The following GKAP1 variants were observed in gnomAD, a reference collection of about 807,000 sequenced individuals.
GKAP1 encodes G kinase anchoring protein 1, also known as G kinase-anchoring protein 1.
A neutral mutation model predicts 56.7 loss-of-function variants in GKAP1; 31 were observed. The observed-to-expected ratio is 0.55, with a 90% CI of 0.41 to 0.74. The LOEUF is 0.74. Ranked by LOEUF, GKAP1 falls within the 30% of genes least tolerant of loss-of-function variation. The pLI, the probability that GKAP1 is intolerant of heterozygous loss-of-function variation, is 0.00. For missense variants in GKAP1, 364 were observed against 402.3 expected, an observed-to-expected ratio of 0.90 and a Z score of 0.82; for synonymous variants, 151 against 138.6, an observed-to-expected ratio of 1.09 and a Z score of -0.63.
intron 2 of GKAP1, among the ~76,000 whole-genome samples, chr9:83,807,136 C>G (rs1227378772): frequency 6.6e-6 from 1 of 152,158 alleles, no homozygotes; most frequent in Non-Finnish European, 1.5e-5. Context: ...ATGTTTAGTT[C>G]ACTAGTTTCC....
Position 83,813,518 on chromosome 9 carries a change from G to A in GKAP1, c.-44+3478C>T, listed in dbSNP as rs550729109. Among the ~76,000 whole-genome samples, 3 of 152,320 alleles carry A rather than the reference G, an allele frequency of 2.0e-5. No individual in the cohort carries two copies. In the South Asian group the frequency reaches 6.2e-4, roughly 32 times the overall value. ...CACCTGTAATTTCAGCAACTTGGGA[G>A]ACTGAAGCAGGAGATCACTTAAGTC... On this transcript the variant is annotated intron_variant, in intron 2 of 12. Transcript: ENST00000376371.
intron 3 of GKAP1, among the ~76,000 whole-genome samples, chr9:83,802,620 G>C (rs569267826): frequency 6.7e-4 from 102 of 152,130 alleles, no homozygotes; most frequent in Non-Finnish European, 1.0e-3. Flanking sequence ...CTTGAGGCCA[G>C]GAGTTTGAGA....
At chr9:83,790,020 C>T (rs1944128065) in intron 4 of GKAP1, among the ~76,000 whole-genome samples, 1 of 152,134 alleles carries the variant, frequency 6.6e-6, no homozygotes, top group African/African-American at 2.4e-5. Flanking sequence ...AAGAAGTGAT[C>T]TGTTTCAAGG....
At chr9:83,755,137 A>G (rs1943452663) in intron 8 of GKAP1, among the ~76,000 whole-genome samples, 1 of 152,176 alleles carries the variant, frequency 6.6e-6, no homozygotes, top group African/African-American at 2.4e-5. Flanking sequence ...CTGGAATCTC[A>G]CTTCTAGGAA....
intron 4 of GKAP1, among the ~76,000 whole-genome samples, chr9:83,790,637 AAAACAAAAAAAC>A (rs1944140343): frequency 7.6e-6 from 1 of 132,012 alleles, no homozygotes; most frequent in Admixed American, 9.0e-5. Flanking sequence ...AAAACAAAAC[AAAACAAAAAAAC>A]AAACAAACAA....
rs749646350 is a variant in GKAP1 at position 83,742,619 on chromosome 9, C to T, written c.905-19G>A. 15 of 1,579,276 alleles carry T rather than the reference C, an allele frequency of 9.5e-6. No individual in the cohort carries two copies. In the Admixed American group the frequency reaches 2.5e-4, roughly 27 times the overall value. The stretch of plus-strand genomic sequence containing the variant: ...TCTTTCACTGACAAAAAAGGAAAAA[C>T]AGCAGTATAGATTTTCCAGTCACCC... On this transcript the variant is annotated intron_variant, in intron 10 of 12. Transcript: ENST00000376371.
At chr9:83,802,429 C>T (rs1944345914) in intron 3 of GKAP1, among the ~76,000 whole-genome samples, 1 of 146,844 alleles carries the variant, frequency 6.8e-6, no homozygotes, top group Non-Finnish European at 1.5e-5. Flanking sequence ...TTGCAGTGAG[C>T]TGAGATCACG....
intron 4 of GKAP1, 133 bp from the exon 5 acceptor site, chr9:83,788,811 T>C (rs778697131): frequency 1.8e-5 from 9 of 501,418 alleles, no homozygotes; most frequent in South Asian, 3.7e-5. Flanking sequence ...TCCAAAGTTA[T>C]CTAACCATGC....
chr9:83,754,943 G>A (rs1324353647), intron 8 of GKAP1, among the ~76,000 whole-genome samples: 2 of 152,192 alleles, frequency 1.3e-5, no homozygotes, highest in Non-Finnish European at 2.9e-5. Context: ...ATAAGATTAT[G>A]CTTTGGATTA....
At chr9:83,778,952 A>G (rs545093253) in intron 7 of GKAP1, among the ~76,000 whole-genome samples, 2 of 152,242 alleles carry the variant, frequency 1.3e-5, no homozygotes, top group South Asian at 4.1e-4. Context: ...TCTTTAATAT[A>G]TTAAATAGGT....
chr9:83,771,457 C>T (rs1054379048), intron 7 of GKAP1, among the ~76,000 whole-genome samples: 1 of 152,152 alleles, frequency 6.6e-6, no homozygotes, highest in Non-Finnish European at 1.5e-5. Flanking sequence ...ATTATTCATA[C>T]TTTTCACTTC....
chr9:83,758,515 T>C (rs1367390417), intron 8 of GKAP1, among the ~76,000 whole-genome samples: 2 of 152,124 alleles, frequency 1.3e-5, no homozygotes, highest in Admixed American at 6.5e-5. Context: ...GGCAGATCAC[T>C]TGAGGTCAGG....
intron 3 of GKAP1, among the ~76,000 whole-genome samples, chr9:83,805,719 A>AT (rs1305959472): frequency 1.3e-5 from 2 of 152,208 alleles, no homozygotes; most frequent in Non-Finnish European, 2.9e-5. Flanking sequence ...TTAATTGGTT[A>AT]TATCTCTGGT....
chr9:83,791,256 A>G (rs2131302137), intron 4 of GKAP1, among the ~76,000 whole-genome samples: 1 of 152,170 alleles, frequency 6.6e-6, no homozygotes, highest in African/African-American at 2.4e-5. Flanking sequence ...CAAAAAAATT[A>G]GCCGGACGTG....
rs1430671700 is a variant in GKAP1, at chr9:83,779,503, A to ATATATGTGTATATATATACACGTG, written c.585+855_585+878dup. The stretch of plus-strand genomic sequence containing the variant: ...TACATACATATATACACATATACAC[A>ATATATGTGTATATATATACACGTG]TATATGTGTATATATATACACGTGT... On this transcript the variant is annotated intron_variant, in intron 7 of 12. Transcript: ENST00000376371. 6.5e-3 allele frequency among the ~76,000 whole-genome samples: 892 copies of ATATATGTGTATATATATACACGTG among 137,190 alleles called. 19 individuals carry two copies. Among genetic ancestry groups the ATATATGTGTATATATATACACGTG allele is most frequent in the South Asian group, 0.011 (47 of 4,340 alleles). 90.0% of individuals were successfully genotyped at this position (137,190 alleles called of 152,430 possible). A position where few individuals can be genotyped will look rare whatever the true frequency, so the allele number is the denominator to read the frequency against.
chr9:83,766,598 GTTAA>G (rs1943667678), intron 8 of GKAP1, among the ~76,000 whole-genome samples: 1 of 152,166 alleles, frequency 6.6e-6, no homozygotes, highest in Non-Finnish European at 1.5e-5. Flanking sequence ...AATAGATGGT[GTTAA>G]TTTACTGTAA....
chr9:83,776,573 T>C (rs1943866081), intron 7 of GKAP1, among the ~76,000 whole-genome samples: 1 of 152,010 alleles, frequency 6.6e-6, no homozygotes. Flanking sequence ...TGCACATCTG[T>C]AGACCCCAGC....
At chr9:83,749,317 C>T (rs777769883) in intron 9 of GKAP1, among the ~76,000 whole-genome samples, 4 of 151,204 alleles carry the variant, frequency 2.6e-5, no homozygotes, top group Non-Finnish European at 5.9e-5. Flanking sequence ...ACCTTCGCCT[C>T]CTGGGTTCAA....
chr9:83,748,552 A>G (rs954668794), intron 9 of GKAP1, 180 bp from the exon 10 acceptor site: 81 of 417,614 alleles, frequency 1.9e-4, no homozygotes, highest in Non-Finnish European at 3.0e-4. Context: ...AGTCCCTGGC[A>G]CAATAATACA....
Sources: gnomAD v4.1 joint callset for allele counts (sites outside exome capture counted in the v4.1 genomes callset) on GRCh38, gnomAD v4.1.1 for gene constraint, MANE v1.5 for transcripts, NCBI Gene and HGNC (gene_info 2026-07-23, HGNC 2026-07-21) for gene names.